The following KIAA1586 variants were observed in gnomAD, a reference collection of about 807,000 sequenced individuals.
KIAA1586 encodes the protein KIAA1586.
A neutral mutation model predicts 6.1 loss-of-function variants in KIAA1586; 5 were observed. The ratio of observed to expected loss-of-function variants is 0.82; its 90% confidence interval spans 0.43 to 1.73. KIAA1586 has a LOEUF of 1.73. KIAA1586 is among the 40% of genes most tolerant of loss of function. The pLI is 0.02. For missense variants in KIAA1586, 899 were observed against 878.2 expected (o/e 1.02, Z -0.30); for synonymous variants, 280 against 301.7 (o/e 0.93, Z 0.75).
chr6:57,056,691 C>T (rs554256731), downstream of KIAA1586, among the ~76,000 whole-genome samples: 2 of 151,916 alleles, frequency 1.3e-5, no homozygotes, highest in South Asian at 2.1e-4. Context: ...TACATGCCAC[C>T]ACACCCAGCT....
chr6:57,048,653 G>T (rs1446010463), intron 2 of KIAA1586, among the ~76,000 whole-genome samples: 1 of 152,148 alleles, frequency 6.6e-6, no homozygotes, highest in Non-Finnish European at 1.5e-5. Context: ...GAGTTCATGG[G>T]TCTTTAGGAA....
chr6:57,057,886 C>T (rs1024469904), downstream of KIAA1586, among the ~76,000 whole-genome samples: 2 of 152,064 alleles, frequency 1.3e-5, no homozygotes, highest in Non-Finnish European at 2.9e-5. Context: ...ACCTCTGTTT[C>T]TAGGCTCAAG....
downstream of KIAA1586, among the ~76,000 whole-genome samples, chr6:57,058,117 C>T (rs1490649983): frequency 6.6e-6 from 1 of 151,618 alleles, no homozygotes; most frequent in Non-Finnish European, 1.5e-5. Context: ...AAAATCTCTG[C>T]GTGTGTTATA....
the KIAA1586 span, among the ~76,000 whole-genome samples, chr6:57,061,955 A>AG: frequency 6.7e-6 from 1 of 148,170 alleles, no homozygotes; most frequent in Non-Finnish European, 1.5e-5. Flanking sequence ...TTTTTTAGAC[A>AG]GGGTCTCACT....
intron 2 of KIAA1586, among the ~76,000 whole-genome samples, chr6:57,049,935 C>T (rs1225710223): frequency 6.6e-6 from 1 of 151,544 alleles, no homozygotes; most frequent in East Asian, 1.9e-4. Flanking sequence ...GCAGGGTTAT[C>T]AAAGAACTTC....
In KIAA1586 at chr6:57,054,152, G is replaced by T. The variant is rs748858905; in HGVS notation, c.1653G>T (p.Lys551Asn). Residue 551 changes from lysine to asparagine, a missense_variant, in exon 4 of 4, where the codon AAG (lysine) becomes AAT (asparagine). Lys to Asn is a moderately conservative substitution (Grantham distance 94, BLOSUM62 0). Coordinates refer to ENST00000370733, the MANE Select transcript of KIAA1586 (RefSeq NM_020931.4). Reference sequence around the variant, plus strand: ...TACAGTCAAGATCAACTAATATTAAGAAAGCACAAAAATTGATCAAACGTA... The same window carrying T: ...TACAGTCAAGATCAACTAATATTAATAAAGCACAAAAATTGATCAAACGTA... ...TALQSRSTNI[K>N]KAQKLIKRTI... 3 of 1,587,606 alleles carry T rather than the reference G, an allele frequency of 1.9e-6. No homozygotes were observed. The highest frequency in any genetic ancestry group is 1.7e-6 in the Non-Finnish European group (2 of 1,169,614).
chr6:57,064,746 CA>C, the KIAA1586 span, among the ~76,000 whole-genome samples: 1 of 152,122 alleles, frequency 6.6e-6, no homozygotes, highest in African/African-American at 2.4e-5. Flanking sequence ...CTGATTCTGG[CA>C]GATGTGGCTT....
In KIAA1586 at chr6:57,054,987, G is replaced by A. The variant is rs143371921; in HGVS notation, c.*124G>A. On this transcript the variant is annotated 3_prime_UTR_variant, in exon 4 of 4. Transcript: ENST00000370733. ...ATCAGCATGTTGCTGTTTAAAAGGCGTTCTTTAAGAAGATAATCTTGAAGA... is the reference window on the plus strand; with the variant it reads ...ATCAGCATGTTGCTGTTTAAAAGGCATTCTTTAAGAAGATAATCTTGAAGA... The A allele has an allele frequency of 1.1e-4, 126 of 1,097,406 alleles. No homozygotes were observed. The highest frequency in any genetic ancestry group is 1.1e-3 in the African/African-American group (71 of 63,050). 68.0% of individuals were successfully genotyped at this position (1,097,406 alleles called of 1,614,324 possible).
downstream of KIAA1586, among the ~76,000 whole-genome samples, chr6:57,058,473 A>G (rs1828526812): frequency 6.6e-6 from 1 of 152,208 alleles, no homozygotes; most frequent in South Asian, 2.1e-4. Context: ...AGAGCTCTAC[A>G]AAACTTACTG....
rs183292288 is a variant in KIAA1586 at position 57,053,300 on chromosome 6, G to A, written c.801G>A (p.Glu267=). The change falls in exon 4 of 4, where the codon GAG becomes GAA. Residue 267 remains glutamate, a synonymous_variant. Coordinates refer to ENST00000370733, the MANE Select transcript of KIAA1586 (RefSeq NM_020931.4). ...ATAACAGACCTTTATCTGATATTGA[G>A]GGGGCAAGAGAATTACAGGAAAAAA... The part of the protein sequence containing the change: ...VKHNRPLSDI[E]GARELQEKNG... The A allele has an allele frequency of 6.2e-7, 1 of 1,612,236 alleles. No homozygotes were observed. The highest frequency in any genetic ancestry group is 2.2e-5 in the East Asian group (1 of 44,826).
At chr6:57,062,955 T>C in the KIAA1586 span, among the ~76,000 whole-genome samples, 1 of 151,962 alleles carries the variant, frequency 6.6e-6, no homozygotes, top group Admixed American at 6.6e-5. Flanking sequence ...CTTAGGAGGC[T>C]GAAGCAGGAG....
chr6:57,066,570 G>A, the KIAA1586 span, among the ~76,000 whole-genome samples: 1 of 152,136 alleles, frequency 6.6e-6, no homozygotes, highest in African/African-American at 2.4e-5. Context: ...GGCTGATAAT[G>A]TTTGCATAGA....
chr6:57,049,642 C>T (rs1490631912), intron 2 of KIAA1586, among the ~76,000 whole-genome samples: 1 of 152,128 alleles, frequency 6.6e-6, no homozygotes, highest in African/African-American at 2.4e-5. Flanking sequence ...GTTACTTCCT[C>T]CTTGCCATCA....
At chr6:57,061,419 G>A in the KIAA1586 span, among the ~76,000 whole-genome samples, 2 of 152,216 alleles carry the variant, frequency 1.3e-5, no homozygotes, top group African/African-American at 4.8e-5. Context: ...TTGAGACAGG[G>A]TCTTACTCTG....
chr6:57,057,730 C>A (rs945242338), downstream of KIAA1586, among the ~76,000 whole-genome samples: 8 of 151,778 alleles, frequency 5.3e-5, no homozygotes, highest in Admixed American at 3.3e-4. Flanking sequence ...CCTGCCTGAG[C>A]GACGGAGCAA....
chr6:57,056,321 C>T (rs1367286794), downstream of KIAA1586, among the ~76,000 whole-genome samples: 1 of 152,082 alleles, frequency 6.6e-6, no homozygotes, highest in Non-Finnish European at 1.5e-5. Context: ...GTTCTCCTGC[C>T]TCAGCCTCCC....
chr6:57,054,041 G>T lies in KIAA1586; in HGVS notation c.1542G>T (p.Ala514=), dbSNP rs751835703. 1.9e-6 allele frequency: 3 copies of T among 1,610,406 alleles called. No individual in the cohort carries two copies. In the Admixed American group the frequency reaches 5.0e-5, roughly 27 times the overall value. Residue 514 remains alanine, a synonymous_variant, in exon 4 of 4, where the codon GCG becomes GCT. Coordinates refer to ENST00000370733, the MANE Select transcript of KIAA1586 (RefSeq NM_020931.4). ...MHFSHSYSGL[A]KRLANINFLQ... is the part of the protein sequence containing the mutation. ...TTTCTCATTCTTACTCTGGTTTGGC[G>T]AAGAGATTAGCTAACATTAATTTCT... is the stretch of plus-strand genomic sequence containing the variant.
the KIAA1586 span, among the ~76,000 whole-genome samples, chr6:57,062,938 C>T: frequency 1.3e-5 from 2 of 152,100 alleles, no homozygotes; most frequent in African/African-American, 4.8e-5. Flanking sequence ...GTAGTCCCAT[C>T]CATCTACTTA....
Position 57,046,703 on chromosome 6 carries a change from G to A in KIAA1586, c.-53G>A, listed in dbSNP as rs1021188576. ...GGCGGGAAGGGGAGTGGTGGCGGCTGCGGCAGTAGGGACAGCAGGAGCAGT... is the reference window on the plus strand; with the variant it reads ...GGCGGGAAGGGGAGTGGTGGCGGCTACGGCAGTAGGGACAGCAGGAGCAGT... On this transcript the variant is annotated 5_prime_UTR_variant, in exon 1 of 4. Coordinates refer to ENST00000370733, the MANE Select transcript of KIAA1586 (RefSeq NM_020931.4). The A allele has an allele frequency of 2.5e-6, 4 of 1,608,602 alleles. No homozygotes were observed. Among genetic ancestry groups the A allele is most frequent in the African/African-American group, 2.7e-5 (2 of 74,854 alleles).
Sources: gnomAD v4.1 joint callset for allele counts (sites outside exome capture counted in the v4.1 genomes callset) on GRCh38, gnomAD v4.1.1 for gene constraint, MANE v1.5 for transcripts, NCBI Gene and HGNC (gene_info 2026-07-23, HGNC 2026-07-21) for gene names.